TACC1: variants seen among roughly 807,000 people sequenced by gnomAD.
The protein encoded by TACC1 is transforming acidic coiled-coil containing protein 1, also known as transforming acidic coiled-coil-containing protein 1.
Under a neutral mutation model 84.4 loss-of-function variants are expected in TACC1, and 48 were observed. The ratio of observed to expected loss-of-function variants is 0.57; its 90% CI spans 0.45 to 0.72. The LOEUF is 0.72. Among genes scored for constraint, TACC1 ranks in the 30% least tolerant of loss-of-function variants. The probability of loss-of-function intolerance (pLI) is 0.00; values close to 1 mark genes in which losing one functional copy is unlikely to be tolerated. For missense variants in TACC1, 920 were observed against 973.0 expected (o/e 0.95, Z 0.72); for synonymous variants, 372 against 376.3 (o/e 0.99, Z 0.13).
rs149338304 is a variant in TACC1, at chr8:38,813,437, C to T, written c.278-6085C>T. ...ATGTCTTGGTTCAATAAGATAGTCC[C>T]GGTGAGCTCTTAGTAGCCCATTGCC... is the stretch of plus-strand genomic sequence containing the variant. On this transcript the variant is annotated intron_variant, in intron 2 of 12. Coordinates refer to ENST00000317827, the MANE Select transcript of TACC1 (RefSeq NM_006283.3). 5.1e-3 allele frequency among the ~76,000 whole-genome samples: 781 copies of T among 152,248 alleles called. 6 individuals are homozygous for T. The highest frequency in any genetic ancestry group is 0.017 in the African/African-American group (722 of 41,528).
chr8:38,804,386 G>A (rs1030510343), intron 2 of TACC1, among the ~76,000 whole-genome samples: 8 of 151,842 alleles, frequency 5.3e-5, no homozygotes, highest in Non-Finnish European at 1.0e-4. Context: ...GCAACCCTCC[G>A]CCTCCCGGGT....
Position 38,787,565 on chromosome 8 carries a change from G to A in TACC1, c.-18G>A. Reference sequence around the variant, plus strand: ...CATTCCCCTGCCCCTAGGAGCTGGAGCCGGAGGAGCCGCGCTCATGGCGTT... The same window carrying A: ...CATTCCCCTGCCCCTAGGAGCTGGAACCGGAGGAGCCGCGCTCATGGCGTT... On this transcript the variant is annotated 5_prime_UTR_variant, in exon 1 of 13. Transcript: ENST00000317827. 1 of 1,534,052 alleles carries A rather than the reference G, an allele frequency of 6.5e-7. No homozygotes were observed. The highest frequency in any genetic ancestry group is 8.8e-7 in the Non-Finnish European group (1 of 1,140,062).
chr8:38,757,563 T>C (rs1810347656), intron 3 of TACC1, among the ~76,000 whole-genome samples: 1 of 151,560 alleles, frequency 6.6e-6, no homozygotes, highest in Admixed American at 6.6e-5. Context: ...GCACGAGAGT[T>C]TGGCCAGCAG....
intron 3 of TACC1, among the ~76,000 whole-genome samples, chr8:38,823,789 T>A (rs1827410327): frequency 6.6e-6 from 1 of 152,230 alleles, no homozygotes; most frequent in African/African-American, 2.4e-5. Context: ...ACCAGTCTCC[T>A]TTGTAGTTGA....
At position 38,852,771 on chromosome 8, in the gene TACC1, G is replaced by C. The variant is rs1833269557; in HGVS notation, c.*4748G>C. 6.6e-6 allele frequency: 1 copy of C among 152,644 alleles called. No homozygotes were observed. Among genetic ancestry groups the C allele is most frequent in the Non-Finnish European group, 1.5e-5 (1 of 68,064 alleles). The allele number at this position is 152,644 out of a possible 1,614,324, so 9.5% of individuals were successfully genotyped here. ...CCAAGTAAATGTTCATTGCACATCT[G>C]CTTCCACTGTGTTCCCACGGGTGCC... On this transcript the variant is annotated 3_prime_UTR_variant, in exon 13 of 13. Coordinates refer to ENST00000317827, the MANE Select transcript of TACC1 (RefSeq NM_006283.3).
At position 38,742,054 on chromosome 8, in the gene TACC1, C is replaced by A. The variant is rs557703022; in HGVS notation, c.-674-297C>A. On this transcript the variant is annotated intron_variant, in intron 1 of 14. Coordinates refer to the TACC1 transcript ENST00000518415. ...CAGACTGACACTGTACACTTGGCAG[C>A]TGTTTCCACAGCAGGGAAGCAGGGT... is the stretch of plus-strand genomic sequence containing the variant. Among the ~76,000 whole-genome samples the A allele has an allele frequency of 6.1e-4, 93 of 152,354 alleles. 2 individuals are homozygous for A. In the South Asian group the frequency reaches 0.018, roughly 30 times the overall value.
chr8:38,811,348 A>C (rs1228540241), intron 2 of TACC1, among the ~76,000 whole-genome samples: 1 of 151,988 alleles, frequency 6.6e-6, no homozygotes, highest in African/African-American at 2.4e-5. Context: ...CATCTTTGCT[A>C]CCTCCTCCTA....
At chr8:38,797,039 C>G (rs1416212118) in intron 2 of TACC1, among the ~76,000 whole-genome samples, 1 of 152,228 alleles carries the variant, frequency 6.6e-6, no homozygotes, top group Non-Finnish European at 1.5e-5. Context: ...CCTAAGGCGG[C>G]TTACTCATTT....
rs990993686 is a variant in TACC1 at position 38,842,229 on chromosome 8, C to G, written c.1961-58C>G. 2.6e-5 allele frequency: 41 copies of G among 1,569,714 alleles called. No individual in the cohort carries two copies. In the African/African-American group the frequency reaches 4.9e-4, roughly 19 times the overall value. The stretch of plus-strand genomic sequence containing the variant: ...CTACCACGAGAACACTGCTTGTCTT[C>G]TAAGGAGTGTCTATTTTTTGAATAA... On this transcript the variant is annotated intron_variant, in intron 9 of 12. Coordinates refer to ENST00000317827, the MANE Select transcript of TACC1 (RefSeq NM_006283.3).
At chr8:38,791,973 T>C (rs972504498) in intron 2 of TACC1, among the ~76,000 whole-genome samples, 8 of 152,230 alleles carry the variant, frequency 5.3e-5, no homozygotes, top group African/African-American at 1.9e-4. Flanking sequence ...TTGCAGTATC[T>C]AAACTCTATA....
At chr8:38,820,828 C>T (rs1313238011) in intron 3 of TACC1, among the ~76,000 whole-genome samples, 193 bp downstream of exon 3, 1 of 152,090 alleles carries the variant, frequency 6.6e-6, no homozygotes, top group Non-Finnish European at 1.5e-5. Flanking sequence ...CCAGAGGTTT[C>T]CTTTTCAGAT....
At chr8:38,734,566 G>A (rs1181630654) in intron 1 of TACC1, among the ~76,000 whole-genome samples, 1 of 152,178 alleles carries the variant, frequency 6.6e-6, no homozygotes, top group African/African-American at 2.4e-5. Context: ...AAGCAGACAC[G>A]ATACAGAACA....
intron 2 of TACC1, chr8:38,799,527 T>A (rs1820844959): frequency 6.6e-6 from 1 of 152,218 alleles, no homozygotes; most frequent in South Asian, 2.1e-4. Context: ...GATAGGGAAT[T>A]TGTGAGGGAA....
Position 38,836,299 on chromosome 8 carries a change from C to T in TACC1, c.1839+12C>T, listed in dbSNP as rs754233124. The stretch of plus-strand genomic sequence containing the variant: ...TAATAAGAGAAGAGGTAAAAGCTCT[C>T]CTGTTTAGTCTGCTTATCACTCCAT... On this transcript the variant is annotated intron_variant, in intron 7 of 12. Transcript: ENST00000317827. 2 of 1,603,252 alleles carry T rather than the reference C, an allele frequency of 1.2e-6. No homozygotes were observed. The highest frequency in any genetic ancestry group is 1.7e-6 in the Non-Finnish European group (2 of 1,178,340).
At chr8:38,777,133 G>A (rs1814962117) in intron 3 of TACC1, among the ~76,000 whole-genome samples, 2 of 152,008 alleles carry the variant, frequency 1.3e-5, no homozygotes, top group African/African-American at 4.8e-5. Context: ...GCACGAGCCT[G>A]TAATCCCAGC....
intron 3 of TACC1, among the ~76,000 whole-genome samples, chr8:38,750,813 C>T (rs1808890942): frequency 6.6e-6 from 1 of 152,110 alleles, no homozygotes; most frequent in Non-Finnish European, 1.5e-5. Flanking sequence ...ACAGCTATAC[C>T]GTGTTCATGG....
At chr8:38,822,976 A>T (rs1827216828) in intron 3 of TACC1, among the ~76,000 whole-genome samples, 1 of 152,258 alleles carries the variant, frequency 6.6e-6, no homozygotes, top group South Asian at 2.1e-4. Flanking sequence ...GTAGATATAA[A>T]GAAGGACCAA....
intron 3 of TACC1, among the ~76,000 whole-genome samples, chr8:38,780,212 A>G (rs1002847197): frequency 9.2e-5 from 14 of 152,158 alleles, no homozygotes; most frequent in African/African-American, 3.4e-4. Flanking sequence ...GATTTTTATT[A>G]TTTAGTCATC....
intron 2 of TACC1, among the ~76,000 whole-genome samples, chr8:38,804,398 C>T (rs2152091023): frequency 6.6e-6 from 1 of 152,176 alleles, no homozygotes; most frequent in East Asian, 1.9e-4. Context: ...CTCCCGGGTT[C>T]AAGCAATTAT....
Sources: allele counts gnomAD v4.1 joint callset (sites outside exome capture counted in the v4.1 genomes callset), GRCh38; gene constraint gnomAD v4.1.1; transcripts MANE v1.5; gene names NCBI Gene and HGNC (gene_info 2026-07-23, HGNC 2026-07-21).